Variants in FHIT observed in about 807,000 individuals in gnomAD.
The protein encoded by FHIT is fragile histidine triad diadenosine triphosphatase.
A neutral mutation model predicts 17.9 loss-of-function variants in FHIT; 19 were observed. That is an observed-to-expected ratio of 1.06 (90% CI 0.74 to 1.56). The LOEUF is 1.56. Among genes scored for constraint, FHIT ranks in the 40% most tolerant of loss-of-function variants. The probability of loss-of-function intolerance (pLI) is 0.00; values close to 1 mark genes in which losing one functional copy is unlikely to be tolerated. For synonymous variants in FHIT, 81 were observed against 69.7 expected, an observed-to-expected ratio of 1.16 and a Z score of -0.81; for missense variants, 248 against 189.2, an observed-to-expected ratio of 1.31 and a Z score of -1.82.
At chr3:60,939,321 T>G (rs1371490373) in intron 3 of FHIT, among the ~76,000 whole-genome samples, 1 of 152,192 alleles carries the variant, frequency 6.6e-6, no homozygotes, top group African/African-American at 2.4e-5. Context: ...ACACACCCAT[T>G]CATGCATATA....
At chr3:60,628,816 C>T (rs2039363522) in intron 4 of FHIT, among the ~76,000 whole-genome samples, 1 of 152,178 alleles carries the variant, frequency 6.6e-6, no homozygotes, top group South Asian at 2.1e-4. Context: ...CTTCAGAGTT[C>T]TTATGGACTG....
intron 4 of FHIT, among the ~76,000 whole-genome samples, chr3:60,598,830 G>A (rs1209122214): frequency 2.0e-5 from 3 of 152,082 alleles, no homozygotes; most frequent in Non-Finnish European, 4.4e-5. Flanking sequence ...AGAAGTTTGT[G>A]CAATTCAGAC....
intron 5 of FHIT, among the ~76,000 whole-genome samples, chr3:60,092,079 T>C (rs767916520): frequency 6.6e-6 from 1 of 152,156 alleles, no homozygotes; most frequent in African/African-American, 2.4e-5. Context: ...TTTTAAGGAA[T>C]AGTACGACAA....
intron 4 of FHIT, among the ~76,000 whole-genome samples, chr3:60,768,118 G>A (rs1055277712): frequency 7.9e-5 from 12 of 152,188 alleles, no homozygotes; most frequent in Non-Finnish European, 1.3e-4. Flanking sequence ...AAGGTGAGTA[G>A]CCCTAAAGGA....
At chr3:60,367,104 G>T (rs144781796) in intron 5 of FHIT, among the ~76,000 whole-genome samples, 35 of 152,166 alleles carry the variant, frequency 2.3e-4, no homozygotes, top group African/African-American at 8.0e-4. Context: ...TCTATAAAAT[G>T]AGCTCAACCT....
intron 4 of FHIT, among the ~76,000 whole-genome samples, chr3:60,730,897 A>G (rs1326672484): frequency 6.6e-6 from 1 of 151,526 alleles, no homozygotes; most frequent in Non-Finnish European, 1.5e-5. Flanking sequence ...CAGGTGGATC[A>G]CGAGGTCAGG....
intron 5 of FHIT, among the ~76,000 whole-genome samples, chr3:60,133,209 G>A (rs1699670512): frequency 6.6e-6 from 1 of 152,124 alleles, no homozygotes; most frequent in Non-Finnish European, 1.5e-5. Flanking sequence ...TATACCCCAA[G>A]CCTGGGAATC....
chr3:61,156,083 G>C (rs1389642840), intron 2 of FHIT, among the ~76,000 whole-genome samples: 1 of 152,162 alleles, frequency 6.6e-6, no homozygotes, highest in Non-Finnish European at 1.5e-5. Flanking sequence ...ACTCATTGCT[G>C]AAGGAATTAG....
intron 5 of FHIT, among the ~76,000 whole-genome samples, chr3:60,237,860 G>A (rs2107566227): frequency 6.6e-6 from 1 of 152,276 alleles, no homozygotes; most frequent in East Asian, 1.9e-4. Context: ...TGTGGGCCGG[G>A]CATGGTGGCT....
At chr3:60,535,473 T>G (rs932106545) in intron 5 of FHIT, among the ~76,000 whole-genome samples, 3 of 152,128 alleles carry the variant, frequency 2.0e-5, no homozygotes, top group African/African-American at 7.2e-5. Context: ...CACTACAAAC[T>G]TATAGCAAAA....
At chr3:60,411,137 G>A (rs1004620267) in intron 5 of FHIT, among the ~76,000 whole-genome samples, 13 of 152,184 alleles carry the variant, frequency 8.5e-5, no homozygotes, top group Admixed American at 2.6e-4. Context: ...ATCATAGAAC[G>A]ATCTAAGATT....
chr3:60,968,789 G>T (rs192079709), intron 3 of FHIT, among the ~76,000 whole-genome samples: 9 of 152,170 alleles, frequency 5.9e-5, no homozygotes, highest in Admixed American at 5.9e-4. Flanking sequence ...TACCATGAAT[G>T]AATGTGTTTG....
chr3:61,192,809 G>A (rs1395364847), intron 2 of FHIT, among the ~76,000 whole-genome samples: 1 of 152,088 alleles, frequency 6.6e-6, no homozygotes, highest in Non-Finnish European at 1.5e-5. Flanking sequence ...GCCAGAAAAA[G>A]GATTAATCAT....
intron 4 of FHIT, among the ~76,000 whole-genome samples, chr3:60,556,470 G>A (rs1180630117): frequency 6.6e-6 from 1 of 152,178 alleles, no homozygotes; most frequent in East Asian, 1.9e-4. Context: ...GGACAAATGA[G>A]CATTGGTTGA....
intron 5 of FHIT, among the ~76,000 whole-genome samples, chr3:60,141,667 A>G (rs540942637): frequency 5.3e-5 from 8 of 152,292 alleles, no homozygotes; most frequent in African/African-American, 1.7e-4. Context: ...AAAACATCCT[A>G]AAGAGTCAAC....
At chr3:60,356,240 C>T (rs1016473582) in intron 5 of FHIT, among the ~76,000 whole-genome samples, 1 of 152,156 alleles carries the variant, frequency 6.6e-6, no homozygotes, top group African/African-American at 2.4e-5. Flanking sequence ...CGAGCAGAGC[C>T]TTCTGAAACA....
intron 5 of FHIT, among the ~76,000 whole-genome samples, chr3:60,214,909 C>A (rs1293162715): frequency 6.6e-6 from 1 of 152,088 alleles, no homozygotes; most frequent in African/African-American, 2.4e-5. Context: ...AGCAAACTAA[C>A]ACAGGAACAG....
intron 5 of FHIT, among the ~76,000 whole-genome samples, chr3:60,452,874 AATGTAAGTGTCTTCAAC>A: frequency 6.6e-6 from 1 of 152,326 alleles, no homozygotes; most frequent in East Asian, 1.9e-4. Flanking sequence ...AAAGTATGCA[AATGTAAGTGTCTTCAAC>A]AATGAAATAT....
At chr3:60,822,993 T>A (rs1227045306) in intron 3 of FHIT, among the ~76,000 whole-genome samples, 1 of 152,222 alleles carries the variant, frequency 6.6e-6, no homozygotes, top group Admixed American at 6.5e-5. Context: ...AATCGTTTCC[T>A]TTTTTAATCT....
Sources: gnomAD v4.1 joint callset for allele counts (sites outside exome capture counted in the v4.1 genomes callset) on GRCh38, gnomAD v4.1.1 for gene constraint, MANE v1.5 for transcripts, NCBI Gene and HGNC (gene_info 2026-07-23, HGNC 2026-07-21) for gene names.